The following PACS2 variants were observed in gnomAD, a reference collection of about 807,000 sequenced individuals.
PACS2 encodes PACS1-like protein.
Under a neutral mutation model 113.0 loss-of-function variants are expected in PACS2, and 36 were observed. That is an observed-to-expected ratio of 0.32 (90% confidence interval 0.24 to 0.42). PACS2 has a LOEUF of 0.42. PACS2 is among the 10% of genes least tolerant of loss of function. The pLI, the probability that PACS2 is intolerant of heterozygous loss-of-function variation, is 1.00. For synonymous variants in PACS2, 589 were observed against 536.1 expected (o/e 1.10, Z -1.36); for missense variants, 1,015 against 1,239.5 (o/e 0.82, Z 2.72).
intron 19 of PACS2, among the ~76,000 whole-genome samples, chr14:105,386,094 G>A (rs1317197346): frequency 6.6e-6 from 1 of 152,168 alleles, no homozygotes; most frequent in Admixed American, 6.5e-5. Context: ...TTAAGAAGTG[G>A]CCAGGTTTAG....
At chr14:105,370,192 G>A (rs1555409069) in intron 8 of PACS2, 1 of 307,936 alleles carries the variant, frequency 3.2e-6, no homozygotes, top group Non-Finnish European at 6.0e-6. Flanking sequence ...TTTATAAATA[G>A]ACTTTAGTTT....
chr14:105,392,648 TGCAG>T lies in PACS2; in HGVS notation c.2287_2290del (p.Gln763TrpfsTer54), dbSNP rs1555415215. 1 of 1,611,480 alleles carries T rather than the reference TGCAG, an allele frequency of 6.2e-7. No individual in the cohort carries two copies. The highest frequency in any genetic ancestry group is 8.5e-7 in the Non-Finnish European group (1 of 1,179,380). On this transcript the variant is annotated frameshift_variant, in exon 23 of 25. Coordinates refer to ENST00000447393, the MANE Select transcript of PACS2 (RefSeq NM_001100913.3). LOFTEE classifies it high-confidence loss of function. ...GGTGTCGGCGCCGAGCTGATGGGGC[TGCAG>T]GTGGACTACTGGACGGCAGCACAGC...
chr14:105,336,765 G>A (rs1232322505), intron 1 of PACS2: 1 of 152,304 alleles, frequency 6.6e-6, no homozygotes, highest in Non-Finnish European at 1.5e-5. Flanking sequence ...CAGTCCCTGT[G>A]CACTGCTGCT....
rs991162821 is a variant in PACS2, at chr14:105,323,723, C to T, written c.119+8686C>T. Among the ~76,000 whole-genome samples, 12 of 152,126 alleles carry T rather than the reference C, an allele frequency of 7.9e-5. No individual in the cohort carries two copies. Among genetic ancestry groups the T allele is most frequent in the Admixed American group, 5.2e-4 (8 of 15,272 alleles). ...GTGTCGTGCAGGGCTTGGGACAGGG[C>T]TTTCGGAGGTGGTCTGCAGTGATCC... On this transcript the variant is annotated intron_variant, in intron 1 of 24. Transcript: ENST00000447393. This position sits in a 1 kb window ranked among gnomAD's most constrained non-coding sequence, Gnocchi z 4.1.
intron 1 of PACS2, among the ~76,000 whole-genome samples, chr14:105,337,887 C>T (rs587672631): frequency 3.9e-5 from 6 of 152,354 alleles, no homozygotes; most frequent in South Asian, 2.1e-4. Flanking sequence ...GACATAGGGA[C>T]GCAGGTGCCT....
chr14:105,319,188 C>T lies in PACS2; in HGVS notation c.119+4151C>T, dbSNP rs587672408. ...GTCTCGATCTCTTGACCTCGTGATC[C>T]GCCCGCCTTGGCCTCTGAAAGTGCT... is the stretch of plus-strand genomic sequence containing the variant. On this transcript the variant is annotated intron_variant, in intron 1 of 24. Coordinates refer to ENST00000447393, the MANE Select transcript of PACS2 (RefSeq NM_001100913.3). 3.3e-5 allele frequency among the ~76,000 whole-genome samples: 5 copies of T among 152,300 alleles called. No homozygotes were observed. In the South Asian group the frequency reaches 6.2e-4, roughly 19 times the overall value.
rs370650103 is a variant in PACS2 at position 105,342,953 on chromosome 14, A to G, written c.120-5540A>G. Among the ~76,000 whole-genome samples the G allele has an allele frequency of 2.4e-4, 36 of 148,752 alleles. No homozygotes were observed. In the East Asian group the frequency reaches 5.5e-3, roughly 23 times the overall value. On this transcript the variant is annotated intron_variant, in intron 1 of 24. Coordinates refer to ENST00000447393, the MANE Select transcript of PACS2 (RefSeq NM_001100913.3). ...GTCTTAAAAAAAAAAAAAAAAAAAG[A>G]CAGTATTGTTATGGTAAAGGTTCAC...
intron 1 of PACS2, chr14:105,301,340 G>A (rs2058016356): frequency 6.6e-6 from 1 of 152,360 alleles, no homozygotes; most frequent in Non-Finnish European, 1.5e-5. Context: ...GGCCTCCCGT[G>A]GAGAGACGGC....
chr14:105,307,723 C>T (rs2058230372), intron 1 of PACS2, among the ~76,000 whole-genome samples: 1 of 152,262 alleles, frequency 6.6e-6, no homozygotes, highest in African/African-American at 2.4e-5. Flanking sequence ...GTTTCTACTT[C>T]CTCATCTGCA....
At chr14:105,362,149 T>G (rs1309371635) in intron 4 of PACS2, among the ~76,000 whole-genome samples, 9 of 149,734 alleles carry the variant, frequency 6.0e-5, no homozygotes, top group African/African-American at 1.2e-4. Context: ...CCAGGTGTGG[T>G]GGCTCACGCC....
At chr14:105,342,866 C>T (rs995088928) in intron 1 of PACS2, among the ~76,000 whole-genome samples, 4 of 146,548 alleles carry the variant, frequency 2.7e-5, no homozygotes, top group Admixed American at 6.9e-5. Flanking sequence ...ACCCGGGAGG[C>T]GGAGGTTGCA....
At chr14:105,369,811 G>A (rs782519622) in intron 7 of PACS2, 30 bp from the exon 8 acceptor site, 29 of 1,542,822 alleles carry the variant, frequency 1.9e-5, no homozygotes, top group Admixed American at 1.2e-4. Flanking sequence ...CTCTGGCGGC[G>A]GCTCTGACTC....
At position 105,376,796 on chromosome 14, in the gene PACS2, A is replaced by G; in HGVS notation, c.830A>G (p.Glu277Gly). 6.2e-7 allele frequency: 1 copy of G among 1,613,062 alleles called. No homozygotes were observed. The highest frequency in any genetic ancestry group is 1.1e-5 in the South Asian group (1 of 91,072). Residue 277 changes from glutamate to glycine, a missense_variant, in exon 9 of 25, where the codon GAG becomes GGG. Physicochemically the swap from Glu to Gly is moderately conservative, Grantham distance 98 (BLOSUM62 -2). Around this residue, in one of 3 missense-constraint regions of PACS2, gnomAD observed 859 missense variants for 1,056.8 expected, o/e 0.81. Coordinates refer to ENST00000447393, the MANE Select transcript of PACS2 (RefSeq NM_001100913.3). The surrounding 1 kb of genome is among the most constrained non-coding windows in gnomAD (Gnocchi z 4.7). Reference protein sequence around the residue: ...EVLDSEQDPAEHIPEAEEDLD... With the variant: ...EVLDSEQDPAGHIPEAEEDLD... The stretch of plus-strand genomic sequence containing the variant: ...CTGGACTCGGAGCAGGACCCTGCGG[A>G]GCACATCCCCGAGGCAGAGGAGGAC...
intron 1 of PACS2, among the ~76,000 whole-genome samples, chr14:105,318,807 C>T (rs1274411380): frequency 2.7e-5 from 4 of 150,810 alleles, no homozygotes; most frequent in South Asian, 2.1e-4. Flanking sequence ...TACAGGCGCC[C>T]GCCACCACGC....
At chr14:105,305,498 T>C (rs984340402) in intron 1 of PACS2, among the ~76,000 whole-genome samples, 15 of 152,218 alleles carry the variant, frequency 9.9e-5, no homozygotes, top group African/African-American at 3.1e-4. Context: ...GCACTGTCTA[T>C]GAACCAGGAA....
intron 1 of PACS2, among the ~76,000 whole-genome samples, chr14:105,304,131 C>T (rs587657550): frequency 6.6e-6 from 1 of 152,316 alleles, no homozygotes; most frequent in South Asian, 2.1e-4. Flanking sequence ...TCAGGCTGTA[C>T]AGGACAGGAT....
chr14:105,321,874 C>T (rs2058899296), intron 1 of PACS2, among the ~76,000 whole-genome samples: 2 of 151,310 alleles, frequency 1.3e-5, no homozygotes, highest in African/African-American at 4.9e-5. Context: ...TATATCCTTA[C>T]ATATTAGATG....
Position 105,395,626 on chromosome 14 carries a change from T to A in PACS2, c.*954T>A, listed in dbSNP as rs2081508485. ...GGCGTCCAGATGTGTTTGTGTCACC[T>A]GCTGCAACGCTGTAGCCAATGAAGA... On this transcript the variant is annotated 3_prime_UTR_variant, in exon 25 of 25. Transcript: ENST00000447393. The A allele has an allele frequency of 6.6e-6, 1 of 152,298 alleles. No individual in the cohort carries two copies. The highest frequency in any genetic ancestry group is 2.4e-5 in the African/African-American group (1 of 41,470). The allele number at this position is 152,298 out of a possible 1,614,324, so 9.4% of individuals were successfully genotyped here.
chr14:105,349,295 A>ACCACTCATGGGCAAGTC (rs1321661932), intron 2 of PACS2, among the ~76,000 whole-genome samples: 2 of 152,222 alleles, frequency 1.3e-5, no homozygotes, highest in African/African-American at 2.4e-5. Context: ...CCTAGCCGGC[A>ACCACTCATGGGCAAGTC]CCACTCATGG....
Sources: gnomAD v4.1 joint callset for allele counts (sites outside exome capture counted in the v4.1 genomes callset) on GRCh38, gnomAD v4.1.1 for gene constraint, gnomAD v4.1.1 regional missense constraint, Gnocchi (gnomAD v3.1) non-coding constraint, MANE v1.5 for transcripts, NCBI Gene and HGNC (gene_info 2026-07-23, HGNC 2026-07-21) for gene names.